ST18: variants seen among roughly 807,000 people sequenced by gnomAD.
ST18 encodes ST18 C2H2C-type zinc finger transcription factor, also known as suppression of tumorigenicity 18 protein.
In ST18, 50 loss-of-function variants were observed where a neutral mutation model predicts 110.0. That is an observed-to-expected ratio of 0.45 (90% CI 0.36 to 0.58). ST18 has a LOEUF of 0.58. Among genes scored for constraint, ST18 ranks in the 20% least tolerant of loss-of-function variants. ST18 has a pLI of 0.00. For synonymous variants in ST18, 461 were observed against 452.4 expected (o/e 1.02, Z -0.24); for missense variants, 1,306 against 1,280.1 (o/e 1.02, Z -0.31).
At chr8:52,267,783 G>A (rs535865054) in intron 2 of ST18, among the ~76,000 whole-genome samples, 15 of 152,342 alleles carry the variant, frequency 9.8e-5, no homozygotes, top group African/African-American at 3.4e-4. Context: ...TCCACGGAGA[G>A]CCCATGGCTG....
intron 2 of ST18, among the ~76,000 whole-genome samples, chr8:52,380,225 T>G (rs1833990221): frequency 6.6e-6 from 1 of 152,174 alleles, no homozygotes; most frequent in Non-Finnish European, 1.5e-5. Context: ...TGCAAACAGA[T>G]GACATAAATT....
In ST18 at chr8:52,116,164, T is replaced by TGAGAGGA. The variant is rs1371966221; in HGVS notation, c.3003+110_3003+111insTCCTCTC. 3.2e-6 allele frequency: 4 copies of TGAGAGGA among 1,261,206 alleles called. No individual in the cohort carries two copies. The East Asian group carries it at 9.5e-5, about 30-fold the overall frequency. The allele number at this position is 1,261,206 out of a possible 1,614,324, so 78.1% of individuals were successfully genotyped here. A position where few individuals can be genotyped will look rare whatever the true frequency, so the allele number is the denominator to read the frequency against. On this transcript the variant is annotated intron_variant, in intron 25 of 25. Transcript: ENST00000689386. ...ACTGTGATGAAGTGTGGTCACTCTG[T>TGAGAGGA]GACTGCTCACAGGTCTCCTCAAAGC...
Position 52,118,217 on chromosome 8 carries a change from A to G in ST18, c.2859+121T>C, listed in dbSNP as rs2043249492. The stretch of plus-strand genomic sequence containing the variant: ...TTTACAATAATTATGGAATCTAGAA[A>G]CACTCAGCATATTGACTCTAAGTTA... On this transcript the variant is annotated intron_variant, in intron 24 of 25. Coordinates refer to ENST00000689386, the MANE Select transcript of ST18 (RefSeq NM_001352837.2). The G allele has an allele frequency of 4.9e-6, 3 of 611,452 alleles. 1 individual carries two copies. In the Admixed American group the frequency reaches 1.0e-4, roughly 21 times the overall value. The allele number at this position is 611,452 out of a possible 1,614,324, so 37.9% of individuals were successfully genotyped here.
chr8:52,134,011 G>T (rs567349976), intron 19 of ST18, among the ~76,000 whole-genome samples: 5 of 152,294 alleles, frequency 3.3e-5, no homozygotes, highest in Middle Eastern at 3.4e-3. Context: ...GATTACAGGC[G>T]TGAGCCACTG....
chr8:52,275,701 C>A (rs2095219983), intron 2 of ST18, among the ~76,000 whole-genome samples: 1 of 152,072 alleles, frequency 6.6e-6, no homozygotes, highest in African/African-American at 2.4e-5. Flanking sequence ...GCATCACATA[C>A]CATTTTGTGA....
At chr8:52,140,640 A>C (rs192168479) in intron 17 of ST18, among the ~76,000 whole-genome samples, 63 of 152,262 alleles carry the variant, frequency 4.1e-4, no homozygotes, top group African/African-American at 1.5e-3. Context: ...TTTCTTAAGA[A>C]TTTTTGGAAT....
chr8:52,249,843 C>CA (rs1201163688), intron 2 of ST18, among the ~76,000 whole-genome samples: 1 of 151,986 alleles, frequency 6.6e-6, no homozygotes, highest in Non-Finnish European at 1.5e-5. Flanking sequence ...ACTTTCAGAT[C>CA]AAAGATATTT....
At chr8:52,360,104 GA>G (rs1455279289) in intron 2 of ST18, among the ~76,000 whole-genome samples, 1 of 151,850 alleles carries the variant, frequency 6.6e-6, no homozygotes, top group East Asian at 1.9e-4. Flanking sequence ...TATAGTTAAG[GA>G]AAATATTTTG....
intron 2 of ST18, among the ~76,000 whole-genome samples, chr8:52,319,041 A>G (rs562233731): frequency 2.6e-5 from 4 of 152,262 alleles, no homozygotes; most frequent in African/African-American, 7.2e-5. Flanking sequence ...ATGTTTACTT[A>G]TGTAACAAGC....
intron 2 of ST18, among the ~76,000 whole-genome samples, chr8:52,287,864 CG>C (rs2095494305): frequency 1.3e-5 from 2 of 152,120 alleles, no homozygotes; most frequent in Non-Finnish European, 2.9e-5. Context: ...CTAATTTTAC[CG>C]GAGTCAATTC....
intron 2 of ST18, chr8:52,294,610 G>A (rs550496813): frequency 1.3e-5 from 2 of 152,376 alleles, no homozygotes; most frequent in South Asian, 4.1e-4. Flanking sequence ...TTATTAGAGA[G>A]TTTTGCATTT....
At chr8:52,252,505 T>TA (rs56856023) in intron 2 of ST18, among the ~76,000 whole-genome samples, 164 of 146,820 alleles carry the variant, frequency 1.1e-3, no homozygotes, top group Middle Eastern at 3.5e-3. Context: ...ATGGCCACTC[T>TA]AAAAAAAAAA....
At chr8:52,365,761 C>A (rs1827649016) in intron 2 of ST18, among the ~76,000 whole-genome samples, 2 of 152,028 alleles carry the variant, frequency 1.3e-5, no homozygotes, top group Non-Finnish European at 2.9e-5. Flanking sequence ...AGTGTTGTTG[C>A]AACCACAGCT....
intron 22 of ST18, among the ~76,000 whole-genome samples, chr8:52,130,167 A>AGAAAGAAAG (rs1586532878): frequency 1.1e-5 from 1 of 89,966 alleles, no homozygotes; most frequent in African/African-American, 3.7e-5. Context: ...AAGAAAGAAA[A>AGAAAGAAAG]AGAAAAGAAA....
At chr8:52,196,550 G>A (rs993469460) in intron 8 of ST18, among the ~76,000 whole-genome samples, 4 of 152,050 alleles carry the variant, frequency 2.6e-5, no homozygotes, top group Admixed American at 2.0e-4. Context: ...AGTCAACCGA[G>A]GTCTGAAAAT....
At chr8:52,325,845 T>A (rs759847771) in intron 2 of ST18, among the ~76,000 whole-genome samples, 1 of 152,216 alleles carries the variant, frequency 6.6e-6, no homozygotes, top group African/African-American at 2.4e-5. Context: ...CACTCAACTT[T>A]ATAAATAAAT....
chr8:52,346,664 A>C (rs1196978482), intron 2 of ST18, among the ~76,000 whole-genome samples: 1 of 152,242 alleles, frequency 6.6e-6, no homozygotes, highest in Non-Finnish European at 1.5e-5. Flanking sequence ...AGTTAGTAGA[A>C]TAGTACCTTA....
At chr8:52,123,449 A>G (rs1410101762) in intron 23 of ST18, among the ~76,000 whole-genome samples, 1 of 152,230 alleles carries the variant, frequency 6.6e-6, no homozygotes, top group Non-Finnish European at 1.5e-5. Flanking sequence ...ATCATGAAAC[A>G]CAGCATTGTT....
intron 2 of ST18, among the ~76,000 whole-genome samples, chr8:52,276,404 C>G (rs891258431): frequency 6.6e-6 from 1 of 151,338 alleles, no homozygotes; most frequent in Admixed American, 6.6e-5. Flanking sequence ...TTCACATACA[C>G]ACACCACACC....
Sources: allele counts gnomAD v4.1 joint callset (sites outside exome capture counted in the v4.1 genomes callset), GRCh38; gene constraint gnomAD v4.1.1; transcripts MANE v1.5; gene names NCBI Gene and HGNC (gene_info 2026-07-23, HGNC 2026-07-21).